The following RSPO2 variants were observed in gnomAD, a reference collection of about 807,000 sequenced individuals.
RSPO2 encodes R-spondin 2, also known as R-spondin-2.
RSPO2 carries 14 observed loss-of-function variants against 30.9 expected under a neutral mutation model. The ratio of observed to expected loss-of-function variants is 0.45; its 90% CI spans 0.30 to 0.71. RSPO2 has a LOEUF of 0.71. Among genes scored for constraint, RSPO2 ranks in the 30% least tolerant of loss-of-function variants. The pLI is 0.08. For synonymous variants in RSPO2, 107 were observed against 96.4 expected (o/e 1.11, Z -0.64); for missense variants, 264 against 301.9 (o/e 0.87, Z 0.93).
At chr8:107,975,822 T>C (rs1254222679) in intron 3 of RSPO2, among the ~76,000 whole-genome samples, 1 of 152,200 alleles carries the variant, frequency 6.6e-6, no homozygotes, top group Non-Finnish European at 1.5e-5. Flanking sequence ...CATAGGTACA[T>C]CCAAATATAG....
chr8:108,076,438 G>A (rs1245495692), intron 2 of RSPO2, among the ~76,000 whole-genome samples: 1 of 152,204 alleles, frequency 6.6e-6, no homozygotes, highest in Non-Finnish European at 1.5e-5. Flanking sequence ...AGTAGATGCT[G>A]GAGGATGAGG....
chr8:107,900,145 A>G lies in RSPO2; in HGVS notation c.*930T>C, dbSNP rs1328859163. The G allele has an allele frequency of 6.6e-6, 1 of 152,210 alleles. No individual in the cohort carries two copies. The highest frequency in any genetic ancestry group is 1.5e-5 in the Non-Finnish European group (1 of 68,044). 9.4% of individuals were successfully genotyped at this position (152,210 alleles called of 1,614,324 possible). On this transcript the variant is annotated 3_prime_UTR_variant, in exon 6 of 6. Transcript: ENST00000276659. Reference sequence around the variant, plus strand: ...TTTTCAGTTGTGTTTCATCAAAGTCATCACATCTTAGACTCAAAGGCAGTT... The same window carrying G: ...TTTTCAGTTGTGTTTCATCAAAGTCGTCACATCTTAGACTCAAAGGCAGTT...
chr8:107,993,028 T>C (rs929762886), intron 2 of RSPO2, among the ~76,000 whole-genome samples: 4 of 152,134 alleles, frequency 2.6e-5, no homozygotes, highest in East Asian at 3.9e-4. Flanking sequence ...TTGAAAAACA[T>C]GTTCATGTCT....
chr8:108,008,233 A>T (rs2130578173), intron 2 of RSPO2, among the ~76,000 whole-genome samples: 1 of 152,330 alleles, frequency 6.6e-6, no homozygotes, highest in African/African-American at 2.4e-5. Context: ...AAAAATTTTA[A>T]TGTGAAAACC....
At chr8:107,996,541 C>T (rs763162957) in intron 2 of RSPO2, among the ~76,000 whole-genome samples, 4 of 152,156 alleles carry the variant, frequency 2.6e-5, no homozygotes, top group Non-Finnish European at 5.9e-5. Flanking sequence ...AAAGGAGATT[C>T]TGGAAGGTTT....
At chr8:107,922,489 T>C (rs773596235) in intron 5 of RSPO2, among the ~76,000 whole-genome samples, 15 of 152,026 alleles carry the variant, frequency 9.9e-5, no homozygotes, top group Non-Finnish European at 1.2e-4. Flanking sequence ...TGGATAGGAA[T>C]AATCAATATC....
Position 107,978,832 on chromosome 8 carries a change from C to A in RSPO2, c.283+10224G>T, listed in dbSNP as rs986608431. Among the ~76,000 whole-genome samples, 270 of 151,732 alleles carry A rather than the reference C, an allele frequency of 1.8e-3. 3 individuals are homozygous for A. The highest frequency in any genetic ancestry group is 7.8e-4 in the East Asian group (4 of 5,136). ...CTACAATGAACTCAAACAAATTTAC[C>A]AGAAAAAAACAAACAACCCCATCAA... On this transcript the variant is annotated intron_variant, in intron 3 of 5. Transcript: ENST00000276659.
chr8:108,003,155 A>C (rs1815304749), intron 2 of RSPO2, among the ~76,000 whole-genome samples: 1 of 148,908 alleles, frequency 6.7e-6, no homozygotes, highest in African/African-American at 2.5e-5. Context: ...AGGTTCAAGT[A>C]ATTCTCCTGC....
intron 5 of RSPO2, among the ~76,000 whole-genome samples, chr8:107,933,152 C>A (rs1332933225): frequency 1.3e-5 from 2 of 152,080 alleles, no homozygotes; most frequent in African/African-American, 4.8e-5. Context: ...TCAACACTGC[C>A]TAATGGAGTC....
rs569546790 is a variant in RSPO2 at position 108,074,990 on chromosome 8, CATTT to C, written c.94+7551_94+7554del. Among the ~76,000 whole-genome samples, 42 of 152,260 alleles carry C rather than the reference CATTT, an allele frequency of 2.8e-4. No homozygotes were observed. In the South Asian group the frequency reaches 8.5e-3, roughly 31 times the overall value. ...TCTCATGGGTATGTCCACATAGCTACATTTATTATACTAAAATCATAAATATAAT... is the reference window on the plus strand; with the variant it reads ...TCTCATGGGTATGTCCACATAGCTACATTATACTAAAATCATAAATATAAT... On this transcript the variant is annotated intron_variant, in intron 2 of 5. Transcript: ENST00000276659.
intron 5 of RSPO2, among the ~76,000 whole-genome samples, chr8:107,954,851 T>A (rs966575060): frequency 6.6e-6 from 1 of 151,888 alleles, no homozygotes; most frequent in Non-Finnish European, 1.5e-5. Flanking sequence ...CCTCTTGATC[T>A]GCCTGTCTTG....
At chr8:107,980,813 T>G (rs1814403493) in intron 3 of RSPO2, among the ~76,000 whole-genome samples, 1 of 152,166 alleles carries the variant, frequency 6.6e-6, no homozygotes, top group African/African-American at 2.4e-5. Flanking sequence ...ACCACTAACT[T>G]GTCCCTTCTG....
At position 108,005,932 on chromosome 8, in the gene RSPO2, AT is replaced by A. The variant is rs559565494; in HGVS notation, c.95-16689del. Among the ~76,000 whole-genome samples the A allele has an allele frequency of 5.5e-3, 845 of 152,332 alleles. 3 individuals are homozygous for A. Among genetic ancestry groups the A allele is most frequent in the Non-Finnish European group, 9.3e-3 (630 of 68,014 alleles). On this transcript the variant is annotated intron_variant, in intron 2 of 5. Coordinates refer to ENST00000276659, the MANE Select transcript of RSPO2 (RefSeq NM_178565.5). ...TACACCTTGGCTGATTGTATTGGCC[AT>A]TTATCTTTCACATAAATAGCAAAAA...
intron 5 of RSPO2, among the ~76,000 whole-genome samples, chr8:107,911,982 C>T (rs879703129): frequency 1.3e-5 from 2 of 152,090 alleles, no homozygotes; most frequent in Non-Finnish European, 2.9e-5. Flanking sequence ...ATGGGCCTGG[C>T]CTACAACCCA....
chr8:108,078,503 A>C (rs1163723121), intron 2 of RSPO2, among the ~76,000 whole-genome samples: 1 of 151,964 alleles, frequency 6.6e-6, no homozygotes, highest in Non-Finnish European at 1.5e-5. Context: ...ATATCAGGAG[A>C]AGTAAACTAT....
At chr8:107,945,153 A>C (rs959895004) in intron 5 of RSPO2, among the ~76,000 whole-genome samples, 1 of 151,646 alleles carries the variant, frequency 6.6e-6, no homozygotes, top group Non-Finnish European at 1.5e-5. Context: ...GTAAACCTCA[A>C]ATTCTTCTGG....
chr8:107,940,896 G>A (rs912578840), intron 5 of RSPO2, among the ~76,000 whole-genome samples: 4 of 152,026 alleles, frequency 2.6e-5, no homozygotes, highest in African/African-American at 9.7e-5. Context: ...TTTTAGAAAG[G>A]CTTATTATAT....
chr8:107,974,408 AG>A (rs1278392762), intron 3 of RSPO2, among the ~76,000 whole-genome samples: 1 of 152,024 alleles, frequency 6.6e-6, no homozygotes. Context: ...GTTACTCGGG[AG>A]GCTGAGAGAT....
chr8:107,930,012 A>G (rs561140695), intron 5 of RSPO2, among the ~76,000 whole-genome samples: 2 of 152,328 alleles, frequency 1.3e-5, no homozygotes, highest in South Asian at 2.1e-4. Context: ...TTTAAGAACC[A>G]CTTCTCTAGA....
Sources: allele counts gnomAD v4.1 joint callset (sites outside exome capture counted in the v4.1 genomes callset), GRCh38; gene constraint gnomAD v4.1.1; transcripts MANE v1.5; gene names NCBI Gene and HGNC (gene_info 2026-07-23, HGNC 2026-07-21).